Variants in MBD5 observed in about 807,000 individuals in gnomAD.
MBD5 encodes the protein methyl-CpG binding domain protein 5, also known as methyl-CpG-binding domain protein 5.
MBD5 carries 13 observed loss-of-function variants against 117.3 expected under a neutral mutation model. The observed-to-expected ratio is 0.11, with a 90% CI of 0.07 to 0.18. The LOEUF (loss-of-function observed/expected upper bound fraction) is 0.18, where lower values mean the gene tolerates loss of function less well. Among genes scored for constraint, MBD5 ranks in the 10% least tolerant of loss-of-function variants. The pLI, the probability that MBD5 is intolerant of heterozygous loss-of-function variation, is 1.00. For synonymous variants in MBD5, 727 were observed against 766.4 expected (o/e 0.95, Z 0.85); for missense variants, 1,879 against 2,093.8 (o/e 0.90, Z 2.00).
intron 1 of MBD5, among the ~76,000 whole-genome samples, chr2:148,146,592 T>A (rs2105590182): frequency 6.6e-6 from 1 of 152,246 alleles, no homozygotes; most frequent in Middle Eastern, 3.4e-3. Context: ...ATGTCTTTAA[T>A]TTATACTATT....
rs373470616 is a variant in MBD5, at chr2:148,221,319, A to G, written c.-830-11926A>G. On this transcript the variant is annotated intron_variant, in intron 2 of 13. Coordinates refer to ENST00000642680, the MANE Select transcript of MBD5 (RefSeq NM_001378120.1). ...GATTACTGAATCATGTGGTAGCTCTATTTTTAGTTTTGAGGAACCTCCAGA... is the reference window on the plus strand; with the variant it reads ...GATTACTGAATCATGTGGTAGCTCTGTTTTTAGTTTTGAGGAACCTCCAGA... Among the ~76,000 whole-genome samples the G allele has an allele frequency of 2.0e-4, 31 of 152,114 alleles. 1 individual carries two copies. The highest frequency in any genetic ancestry group is 6.7e-4 in the African/African-American group (28 of 41,526).
chr2:148,187,989 G>A (rs1698710136), intron 2 of MBD5, among the ~76,000 whole-genome samples: 1 of 152,116 alleles, frequency 6.6e-6, no homozygotes, highest in South Asian at 2.1e-4. Context: ...AAAATATATG[G>A]CAATAGTGCA....
chr2:148,107,342 G>A (rs7574172), intron 1 of MBD5, among the ~76,000 whole-genome samples: 133,671 of 152,042 alleles, frequency 0.88, 58,864 homozygotes, highest in East Asian at 0.91. Flanking sequence ...TCACTATGGT[G>A]TGTACAGTGT....
At chr2:148,423,464 A>C (rs908397179) in intron 4 of MBD5, among the ~76,000 whole-genome samples, 9 of 152,216 alleles carry the variant, frequency 5.9e-5, no homozygotes, top group African/African-American at 1.9e-4. Flanking sequence ...TTCATAAGTG[A>C]AGGAGAAATA....
intron 1 of MBD5, among the ~76,000 whole-genome samples, chr2:148,074,463 G>T (rs779068355): frequency 3.0e-4 from 45 of 148,350 alleles, no homozygotes; most frequent in Non-Finnish European, 4.2e-4. Context: ...CCGGAAACTA[G>T]TACCTTCAAA....
At chr2:148,240,314 G>A (rs1281319690) in intron 3 of MBD5, among the ~76,000 whole-genome samples, 1 of 151,992 alleles carries the variant, frequency 6.6e-6, no homozygotes, top group Non-Finnish European at 1.5e-5. Context: ...TATACCTAAT[G>A]TAAATGATGA....
At chr2:148,322,368 A>G (rs1223910875) in intron 3 of MBD5, among the ~76,000 whole-genome samples, 1 of 152,136 alleles carries the variant, frequency 6.6e-6, no homozygotes, top group East Asian at 1.9e-4. Flanking sequence ...TGACCTGTGT[A>G]TTTTTCATTT....
intron 4 of MBD5, among the ~76,000 whole-genome samples, chr2:148,404,184 A>G (rs1705010564): frequency 6.7e-6 from 1 of 149,346 alleles, no homozygotes; most frequent in Admixed American, 6.7e-5. Context: ...AATATTCTTC[A>G]GCTATGTTCT....
chr2:148,502,498 A>G lies in MBD5; in HGVS notation c.5025A>G (p.Lys1675=), dbSNP rs1574497842. The G allele has an allele frequency of 9.3e-6, 15 of 1,614,168 alleles. No homozygotes were observed. The highest frequency in any genetic ancestry group is 1.3e-5 in the Non-Finnish European group (15 of 1,179,990). ...TGGAAGCCTACAGCCGTGTCCGGAA[A>G]AGGAACAGAAAGTAAGCACTTTTCC... The part of the protein sequence containing the change: ...EGLEAYSRVR[K]RNRKSGKLNN... The change falls in exon 12 of 14, where the codon AAA becomes AAG. Residue 1675 remains lysine, a synonymous_variant. Transcript: ENST00000642680.
chr2:148,381,060 C>T (rs1012672170), intron 4 of MBD5, among the ~76,000 whole-genome samples: 1 of 152,104 alleles, frequency 6.6e-6, no homozygotes, highest in African/African-American at 2.4e-5. Flanking sequence ...AATCAGAGTG[C>T]CTCTCCTCCT....
intron 2 of MBD5, among the ~76,000 whole-genome samples, chr2:148,186,428 A>G (rs1158326839): frequency 3.3e-5 from 5 of 152,234 alleles, no homozygotes; most frequent in Non-Finnish European, 7.3e-5. Flanking sequence ...AAAAGGAAAT[A>G]AAAAAGAAGC....
chr2:148,498,544 G>A (rs1681772679), intron 11 of MBD5, among the ~76,000 whole-genome samples: 1 of 152,060 alleles, frequency 6.6e-6, no homozygotes, highest in African/African-American at 2.4e-5. Context: ...TACCATGTTG[G>A]CCAGGCTGGT....
At chr2:148,305,077 AT>A (rs199789912) in intron 3 of MBD5, among the ~76,000 whole-genome samples, 2,623 of 147,770 alleles carry the variant, frequency 0.018, 70 homozygotes, top group African/African-American at 0.062. Flanking sequence ...AAAAAAAAAA[AT>A]AAAATAAAAT....
intron 2 of MBD5, among the ~76,000 whole-genome samples, chr2:148,215,348 T>G (rs1036492215): frequency 1.3e-5 from 2 of 152,208 alleles, no homozygotes; most frequent in African/African-American, 4.8e-5. Context: ...CCTTGAATTA[T>G]CAAAAGGAGT....
intron 4 of MBD5, among the ~76,000 whole-genome samples, chr2:148,411,227 T>C (rs1705237037): frequency 1.3e-5 from 2 of 152,230 alleles, no homozygotes; most frequent in African/African-American, 2.4e-5. Context: ...CCATTGTGTA[T>C]GTATACCACA....
chr2:148,033,095 T>C (rs1008862516), intron 1 of MBD5, among the ~76,000 whole-genome samples: 50 of 152,150 alleles, frequency 3.3e-4, no homozygotes, highest in African/African-American at 1.1e-3. Flanking sequence ...CACCTAGATA[T>C]AGAACAGAGT....
At chr2:148,182,830 C>G (rs542011918) in intron 2 of MBD5, among the ~76,000 whole-genome samples, 3 of 152,230 alleles carry the variant, frequency 2.0e-5, no homozygotes, top group South Asian at 4.2e-4. Flanking sequence ...CATTGACATT[C>G]ACATTCACAT....
Position 148,462,567 on chromosome 2 carries a change from A to C in MBD5, c.114-15A>C, listed in dbSNP as rs374542528. ...CAAAATTATTTCCTGATGTTTTTTT[A>C]AACTATTTTTACAGTCCCAGTGGGT... On this transcript the variant is annotated splice_polypyrimidine_tract_variant and intron_variant, in intron 5 of 13. Transcript: ENST00000642680. 1.1e-5 allele frequency: 16 copies of C among 1,509,900 alleles called. No individual in the cohort carries two copies. Among genetic ancestry groups the C allele is most frequent in the Non-Finnish European group, 1.5e-5 (16 of 1,086,268 alleles). The allele number at this position is 1,509,900 out of a possible 1,614,324, so 93.5% of individuals were successfully genotyped here.
At chr2:148,256,652 G>A (rs1700597522) in intron 3 of MBD5, among the ~76,000 whole-genome samples, 1 of 152,188 alleles carries the variant, frequency 6.6e-6, no homozygotes, top group Non-Finnish European at 1.5e-5. Flanking sequence ...CAAACCATAT[G>A]GTGTCAGTAC....
Sources: gnomAD v4.1 joint callset for allele counts (sites outside exome capture counted in the v4.1 genomes callset) on GRCh38, gnomAD v4.1.1 for gene constraint, MANE v1.5 for transcripts, NCBI Gene and HGNC (gene_info 2026-07-23, HGNC 2026-07-21) for gene names.